Variants in XIRP2 observed in about 807,000 individuals in gnomAD.
XIRP2 encodes xin actin binding repeat containing 2.
A neutral mutation model predicts 277.0 loss-of-function variants in XIRP2; 236 were observed. That is an observed-to-expected ratio of 0.85 (90% confidence interval 0.77 to 0.95). The LOEUF is 0.95. Among genes scored for constraint, XIRP2 ranks in the 40% least tolerant of loss-of-function variants. The pLI is 0.00. For missense variants in XIRP2, 4,640 were observed against 4,157.5 expected (o/e 1.12, Z -3.19); for synonymous variants, 1,490 against 1,416.5 (o/e 1.05, Z -1.17).
At chr2:166,951,309 T>G (rs1686026645) in intron 2 of XIRP2, among the ~76,000 whole-genome samples, 1 of 151,958 alleles carries the variant, frequency 6.6e-6, no homozygotes, top group Admixed American at 6.6e-5. Flanking sequence ...CATGGCAGCA[T>G]CAGCTTCTGG....
chr2:167,249,342 A>G lies in XIRP2; in HGVS notation c.7950A>G (p.Glu2650=). The G allele has an allele frequency of 5.0e-6, 8 of 1,613,798 alleles. No homozygotes were observed. Among genetic ancestry groups the G allele is most frequent in the Non-Finnish European group, 6.8e-6 (8 of 1,179,812 alleles). Residue 2650 remains glutamate (E), a synonymous_variant, in exon 9 of 11, where the codon GAA becomes GAG. Coordinates refer to ENST00000409195, the MANE Select transcript of XIRP2 (RefSeq NM_152381.6). ...TCCACCATGTTTTAGCAGCTTCAGAAGACAAAGATAAGATGAAAAAGGAAG... is the reference window on the plus strand; with the variant it reads ...TCCACCATGTTTTAGCAGCTTCAGAGGACAAAGATAAGATGAAAAAGGAAG... ...KRLHHVLAAS[E]DKDKMKKEVL... is the part of the protein sequence containing the mutation.
Position 167,258,156 on chromosome 2 carries a change from T to G in XIRP2, c.*339T>G, listed in dbSNP as rs1409729368. 2 of 1,613,090 alleles carry G rather than the reference T, an allele frequency of 1.2e-6. No homozygotes were observed. The highest frequency in any genetic ancestry group is 2.7e-5 in the African/African-American group (2 of 74,946). On this transcript the variant is annotated 3_prime_UTR_variant, in exon 11 of 11. Transcript: ENST00000409195. ...TTAGGGGAAAGGGGAAAATTAAAAG[T>G]CATTTGGCCTCCTTCCAAGGAGATC...
intron 2 of XIRP2, among the ~76,000 whole-genome samples, chr2:166,929,055 C>G (rs1457007027): frequency 1.3e-5 from 2 of 152,026 alleles, no homozygotes; most frequent in East Asian, 3.9e-4. Flanking sequence ...TACTCAAAGA[C>G]TGATCCCCAA....
intron 3 of XIRP2, among the ~76,000 whole-genome samples, chr2:167,202,530 T>A (rs1356572619): frequency 1.3e-5 from 2 of 152,172 alleles, no homozygotes; most frequent in African/African-American, 4.8e-5. Context: ...TCTTATCAGG[T>A]AGGCGGACAT....
intron 2 of XIRP2, among the ~76,000 whole-genome samples, chr2:167,116,007 T>C (rs1466296028): frequency 6.6e-6 from 1 of 152,220 alleles, no homozygotes; most frequent in East Asian, 1.9e-4. Flanking sequence ...ACACTATGAT[T>C]GATTTTAATT....
At chr2:167,111,951 G>A (rs1690768780) in intron 2 of XIRP2, among the ~76,000 whole-genome samples, 1 of 152,298 alleles carries the variant, frequency 6.6e-6, no homozygotes, top group Admixed American at 6.5e-5. Context: ...GTTCACAGAG[G>A]TGTTCATAGT....
chr2:167,222,027 G>C (rs548541953), intron 5 of XIRP2, among the ~76,000 whole-genome samples: 1 of 152,266 alleles, frequency 6.6e-6, no homozygotes, highest in African/African-American at 2.4e-5. Context: ...TTTGGTAACA[G>C]TTTGTCTGGG....
At chr2:167,201,300 GGAAGGAAGGAAGGAAAGAAC>G (rs954436146) in intron 3 of XIRP2, among the ~76,000 whole-genome samples, 8 of 149,466 alleles carry the variant, frequency 5.4e-5, no homozygotes, top group African/African-American at 2.0e-4. Flanking sequence ...AGGGAGGGAG[GGAAGGAAGGAAGGAAAGAAC>G]GAAGGAAGGA....
chr2:167,127,581 T>A (rs1175863361), intron 2 of XIRP2, among the ~76,000 whole-genome samples: 2 of 152,160 alleles, frequency 1.3e-5, no homozygotes, highest in Non-Finnish European at 2.9e-5. Flanking sequence ...CAATAATAAT[T>A]GAGTCTTACT....
At chr2:167,196,798 T>C (rs1294577251) in intron 3 of XIRP2, among the ~76,000 whole-genome samples, 1 of 152,070 alleles carries the variant, frequency 6.6e-6, no homozygotes, top group African/African-American at 2.4e-5. Flanking sequence ...TCTGATTAAA[T>C]GGTCCTCCAA....
Position 166,903,764 on chromosome 2 carries a change from A to G in XIRP2, c.282A>G (p.Glu94=). The G allele has an allele frequency of 4.3e-6, 7 of 1,613,662 alleles. No individual in the cohort carries two copies. The highest frequency in any genetic ancestry group is 5.9e-6 in the Non-Finnish European group (7 of 1,179,788). The part of the protein sequence containing the change: ...SNNTREYGRP[E]VLKEDSLSSR... ...ACACCAGGGAATATGGTCGGCCAGA[A>G]GTGCTGAAGGAGGATTCCCTGAGCA... The change falls in exon 2 of 11, where the codon GAA becomes GAG. Residue 94 remains glutamate (E), a synonymous_variant. Transcript: ENST00000409195.
At chr2:166,911,188 G>C (rs1393826619) in intron 2 of XIRP2, among the ~76,000 whole-genome samples, 1 of 152,132 alleles carries the variant, frequency 6.6e-6, no homozygotes, top group African/African-American at 2.4e-5. Flanking sequence ...CTGTCTCATT[G>C]ATCTGTCTAA....
chr2:166,934,937 A>G (rs984511623), intron 2 of XIRP2, among the ~76,000 whole-genome samples: 3 of 152,078 alleles, frequency 2.0e-5, no homozygotes, highest in Non-Finnish European at 2.9e-5. Context: ...AAGCTATGTG[A>G]GGAGAATGGC....
At chr2:167,058,132 G>A (rs931022557) in intron 2 of XIRP2, among the ~76,000 whole-genome samples, 8 of 150,498 alleles carry the variant, frequency 5.3e-5, no homozygotes, top group African/African-American at 9.8e-5. Flanking sequence ...GCATGATCGC[G>A]GCTCACTGCA....
At chr2:167,024,019 G>C (rs928893774) in intron 2 of XIRP2, among the ~76,000 whole-genome samples, 28 of 151,916 alleles carry the variant, frequency 1.8e-4, no homozygotes, top group Non-Finnish European at 5.9e-5. Flanking sequence ...TGATGGGGAT[G>C]GCATTGAATC....
intron 2 of XIRP2, among the ~76,000 whole-genome samples, chr2:166,997,286 G>A (rs1463865305): frequency 2.0e-5 from 3 of 151,824 alleles, no homozygotes; most frequent in Non-Finnish European, 2.9e-5. Context: ...AACCTTATAG[G>A]CATTTTTATT....
At chr2:167,101,090 A>G (rs1338295060) in intron 2 of XIRP2, among the ~76,000 whole-genome samples, 2 of 152,084 alleles carry the variant, frequency 1.3e-5, no homozygotes, top group Non-Finnish European at 2.9e-5. Context: ...TACCTTACTC[A>G]TTTTCTCCCT....
At chr2:166,964,748 A>G (rs1450056516) in intron 2 of XIRP2, among the ~76,000 whole-genome samples, 1 of 151,844 alleles carries the variant, frequency 6.6e-6, no homozygotes, top group Non-Finnish European at 1.5e-5. Flanking sequence ...AAGTGTTGGA[A>G]ACTGAACAAT....
At chr2:167,207,732 T>G (rs1221856175) in intron 3 of XIRP2, among the ~76,000 whole-genome samples, 1 of 152,188 alleles carries the variant, frequency 6.6e-6, no homozygotes, top group Non-Finnish European at 1.5e-5. Flanking sequence ...AATGTAGAAA[T>G]GGGCATAAGT....
Sources: allele counts gnomAD v4.1 joint callset (sites outside exome capture counted in the v4.1 genomes callset), GRCh38; gene constraint gnomAD v4.1.1; transcripts MANE v1.5; gene names NCBI Gene and HGNC (gene_info 2026-07-23, HGNC 2026-07-21).